Variants in COL6A6 observed in about 807,000 individuals in gnomAD.
COL6A6 encodes the protein collagen alpha-6(VI) chain.
In COL6A6, 183 loss-of-function variants were observed where a neutral mutation model predicts 208.6. That is an observed-to-expected ratio of 0.88 (90% CI 0.78 to 0.99). The LOEUF is 0.99. Ranked by LOEUF, COL6A6 falls within the 50% of genes least tolerant of loss-of-function variation. The pLI, the probability that COL6A6 is intolerant of heterozygous loss-of-function variation, is 0.00. For missense variants in COL6A6, 2,816 were observed against 2,815.2 expected, an observed-to-expected ratio of 1.00 and a Z score of -0.01; for synonymous variants, 973 against 1,011.8, an observed-to-expected ratio of 0.96 and a Z score of 0.73.
intron 16 of COL6A6, 22 bp downstream of exon 16, chr3:130,593,127 G>T: frequency 6.2e-7 from 1 of 1,613,074 alleles, no homozygotes; most frequent in South Asian, 1.1e-5. Context: ...TTGTACCATA[G>T]AGACCCTTCT....
rs745860077 is a variant in COL6A6, at chr3:130,568,189, T to C, written c.1986T>C (p.Gly662=). ...SQIGPDRVQI[G]VVQFSDINKE... is the part of the protein sequence containing the mutation. ...TTGGACCAGATCGGGTGCAAATTGGTGTAGTCCAGTTCAGCGACATCAATA... is the reference window on the plus strand; with the variant it reads ...TTGGACCAGATCGGGTGCAAATTGGCGTAGTCCAGTTCAGCGACATCAATA... The change falls in exon 6 of 37, where the codon GGT becomes GGC. Residue 662 remains glycine, a synonymous_variant. Transcript: ENST00000358511. The C allele has an allele frequency of 4.3e-6, 7 of 1,613,880 alleles. No homozygotes were observed. The East Asian group carries it at 1.6e-4, about 36-fold the overall frequency.
chr3:130,600,810 C>G (rs2063991165), intron 20 of COL6A6, among the ~76,000 whole-genome samples: 1 of 151,968 alleles, frequency 6.6e-6, no homozygotes, highest in Non-Finnish European at 1.5e-5. Context: ...GCAAACATGG[C>G]ACACATACAC....
intron 1 of COL6A6, among the ~76,000 whole-genome samples, chr3:130,551,769 T>A (rs1010846379): frequency 7.2e-5 from 11 of 152,278 alleles, no homozygotes; most frequent in African/African-American, 2.6e-4. Context: ...ATTTGAGATA[T>A]TTCTAAGTTT....
chr3:130,586,447 C>A, intron 10 of COL6A6, 59 bp from the exon 11 acceptor site: 6 of 1,498,756 alleles, frequency 4.0e-6, no homozygotes, highest in Non-Finnish European at 5.4e-6. Context: ...AATATGCTTG[C>A]AAAAAACTAA....
chr3:130,647,320 A>G (rs1014677177), intron 32 of COL6A6, among the ~76,000 whole-genome samples: 10 of 152,084 alleles, frequency 6.6e-5, no homozygotes, highest in African/African-American at 2.4e-4. Context: ...TCATATCTTC[A>G]GCCAGTGCTG....
At chr3:130,609,043 C>T (rs2064273102) in intron 22 of COL6A6, 79 bp downstream of exon 22, 2 of 1,015,006 alleles carry the variant, frequency 2.0e-6, no homozygotes, top group African/African-American at 3.2e-5. Context: ...CTGATAGAAA[C>T]CTTCAAATCT....
At chr3:130,619,840 A>G (rs2064656702) in intron 23 of COL6A6, among the ~76,000 whole-genome samples, 2 of 152,190 alleles carry the variant, frequency 1.3e-5, no homozygotes, top group Admixed American at 6.5e-5. Flanking sequence ...GGGTGATACT[A>G]TTCCTTGATG....
At chr3:130,524,978 C>T (rs2061930806) in intron 1 of COL6A6, among the ~76,000 whole-genome samples, 1 of 152,200 alleles carries the variant, frequency 6.6e-6, no homozygotes, top group African/African-American at 2.4e-5. Context: ...TCAAATACTC[C>T]AATCCAGAGT....
intron 31 of COL6A6, 98 bp from the exon 32 acceptor site, chr3:130,644,893 C>A: frequency 8.8e-7 from 1 of 1,139,686 alleles, no homozygotes; most frequent in Non-Finnish European, 1.3e-6. Flanking sequence ...GAGTCATCTA[C>A]AAAAAGCAGA....
intron 5 of COL6A6, 131 bp from the exon 6 acceptor site, chr3:130,567,916 C>A (rs2063067457): frequency 4.5e-6 from 3 of 664,928 alleles, no homozygotes; most frequent in Non-Finnish European, 7.7e-6. Flanking sequence ...GTCTTCTAAG[C>A]TTTATTTACT....
Position 130,662,273 on chromosome 3 carries a change from T to C in COL6A6, c.6467T>C (p.Val2156Ala). The change falls in exon 35 of 37, where the codon GTG (valine) becomes GCG (alanine). Residue 2156 changes from valine (V) to alanine (A), a missense_variant. By Grantham distance (64) the Val-to-Ala change is moderately conservative. Coordinates refer to ENST00000358511, the MANE Select transcript of COL6A6 (RefSeq NM_001102608.3). ...CATAAACCTGACCACAGTTATGGTG[T>C]GAAGTTTGTGAAGTCCTTTATAAAC... ...RIHKPDHSYGVKFVKSFINSI... is the reference protein window; with the variant it reads ...RIHKPDHSYGAKFVKSFINSI... The C allele has an allele frequency of 6.2e-7, 1 of 1,613,800 alleles. No homozygotes were observed. The highest frequency in any genetic ancestry group is 8.5e-7 in the Non-Finnish European group (1 of 1,179,754).
intron 1 of COL6A6, among the ~76,000 whole-genome samples, chr3:130,557,713 C>G (rs1295768639): frequency 6.6e-6 from 1 of 152,002 alleles, no homozygotes; most frequent in African/African-American, 2.4e-5. Context: ...CTCTTAGTAC[C>G]TTTTTTCAGA....
Position 130,569,429 on chromosome 3 carries a change from C to T in COL6A6, c.2401+825C>T, listed in dbSNP as rs888936441. 2.0e-5 allele frequency among the ~76,000 whole-genome samples: 3 copies of T among 152,238 alleles called. No homozygotes were observed. In the South Asian group the frequency reaches 6.2e-4, roughly 32 times the overall value. On this transcript the variant is annotated intron_variant, in intron 6 of 36. Coordinates refer to ENST00000358511, the MANE Select transcript of COL6A6 (RefSeq NM_001102608.3). ...TAATGGAAATGATCAAATAAAAGCT[C>T]AGCCAATATAAGGGGCTGATTTATA...
At chr3:130,583,541 G>A (rs1309471971) in intron 10 of COL6A6, among the ~76,000 whole-genome samples, 1 of 152,184 alleles carries the variant, frequency 6.6e-6, no homozygotes, top group Non-Finnish European at 1.5e-5. Context: ...TGAAAAACTA[G>A]TAAATGGGTA....
chr3:130,524,653 T>C (rs1319371245), intron 1 of COL6A6, among the ~76,000 whole-genome samples: 3 of 152,190 alleles, frequency 2.0e-5, no homozygotes, highest in Non-Finnish European at 4.4e-5. Context: ...TTTATCTGTT[T>C]ATTTTATTTC....
chr3:130,617,797 G>T (rs1576339343), intron 23 of COL6A6, among the ~76,000 whole-genome samples: 1 of 152,162 alleles, frequency 6.6e-6, no homozygotes, highest in East Asian at 1.9e-4. Flanking sequence ...CCTTTTAAGT[G>T]TGGGAACACC....
At chr3:130,624,662 C>A (rs947805178) in intron 24 of COL6A6, among the ~76,000 whole-genome samples, 2 of 151,998 alleles carry the variant, frequency 1.3e-5, no homozygotes, top group Admixed American at 1.3e-4. Flanking sequence ...ATAGAGGTGG[C>A]CGTGGGGAAG....
In COL6A6 at chr3:130,589,084, C is replaced by T. The variant is rs2063610671; in HGVS notation, c.4126-6C>T. The stretch of plus-strand genomic sequence containing the variant: ...AAATGTAATGTATTTCTTACCCTCT[C>T]CCAAGGTCAATGTTGCTGAAAGGAC... On this transcript the variant is annotated splice_region_variant and splice_polypyrimidine_tract_variant and intron_variant, in intron 11 of 36. Transcript: ENST00000358511. 1 of 1,612,502 alleles carries T rather than the reference C, an allele frequency of 6.2e-7. No individual in the cohort carries two copies. The highest frequency in any genetic ancestry group is 1.7e-5 in the Admixed American group (1 of 59,988).
At position 130,568,409 on chromosome 3, in the gene COL6A6, G is replaced by T. The variant is rs1389177911; in HGVS notation, c.2206G>T (p.Asp736Tyr). ...CCTCATCACGGATGGTGAAGCTCAG[G>T]ACATAGTAAAGGAACCAGCAGTAGT... Reference protein sequence around the residue: ...LILITDGEAQDIVKEPAVVLR... With the variant: ...LILITDGEAQYIVKEPAVVLR... Residue 736 changes from aspartate to tyrosine, a missense_variant, in exon 6 of 37, where the codon GAC (aspartate) becomes TAC (tyrosine). Asp to Tyr is a radical substitution (Grantham distance 160, BLOSUM62 -3). Coordinates refer to ENST00000358511, the MANE Select transcript of COL6A6 (RefSeq NM_001102608.3). 6.2e-7 allele frequency: 1 copy of T among 1,613,956 alleles called. No homozygotes were observed. The highest frequency in any genetic ancestry group is 8.5e-7 in the Non-Finnish European group (1 of 1,179,882).
Sources: gnomAD v4.1 joint callset for allele counts (sites outside exome capture counted in the v4.1 genomes callset) on GRCh38, gnomAD v4.1.1 for gene constraint, MANE v1.5 for transcripts, NCBI Gene and HGNC (gene_info 2026-07-23, HGNC 2026-07-21) for gene names.